Variants in COBL observed in about 807,000 individuals in gnomAD.
COBL encodes protein cordon-bleu.
In COBL, 51 loss-of-function variants were observed where a neutral mutation model predicts 98.8. That is an observed-to-expected ratio of 0.52 (90% confidence interval 0.41 to 0.65). COBL has a LOEUF of 0.65. Among genes scored for constraint, COBL ranks in the 30% least tolerant of loss-of-function variants. The probability of loss-of-function intolerance (pLI) is 0.00; values close to 1 mark genes in which losing one functional copy is unlikely to be tolerated. For missense variants in COBL, 1,617 were observed against 1,617.5 expected (o/e 1.00, Z 0.01); for synonymous variants, 634 against 651.7 (o/e 0.97, Z 0.41).
intron 7 of COBL, among the ~76,000 whole-genome samples, chr7:51,054,871 G>A (rs564312410): frequency 5.3e-5 from 8 of 152,304 alleles, no homozygotes; most frequent in Admixed American, 3.3e-4. Flanking sequence ...ATAAGAAAAC[G>A]GAACTTGCTT....
intron 1 of COBL, among the ~76,000 whole-genome samples, chr7:51,286,747 C>A (rs1370597490): frequency 6.6e-6 from 1 of 152,082 alleles, no homozygotes; most frequent in Non-Finnish European, 1.5e-5. Context: ...TGAAGCAATC[C>A]CATTACTGGA....
At chr7:51,068,756 T>C (rs780317840) in intron 7 of COBL, among the ~76,000 whole-genome samples, 31 of 152,188 alleles carry the variant, frequency 2.0e-4, no homozygotes, top group Admixed American at 8.5e-4. Flanking sequence ...CTGTGAAATA[T>C]AAAAAATAGC....
At chr7:51,026,293 A>C (rs183855466) in intron 11 of COBL, among the ~76,000 whole-genome samples, 8 of 152,352 alleles carry the variant, frequency 5.3e-5, no homozygotes, top group African/African-American at 1.4e-4. Context: ...AGGCACAGGA[A>C]GGAACTGTGC....
chr7:51,067,206 GCA>G (rs146855554), intron 7 of COBL, among the ~76,000 whole-genome samples: 7 of 152,074 alleles, frequency 4.6e-5, no homozygotes, highest in South Asian at 2.1e-4. Flanking sequence ...ACACGTGCAG[GCA>G]CACACACACA....
Position 51,228,270 on chromosome 7 carries a change from T to C in COBL, c.42-8326A>G, listed in dbSNP as rs533459880. Among the ~76,000 whole-genome samples the C allele has an allele frequency of 9.9e-5, 15 of 151,674 alleles. No homozygotes were observed. In the East Asian group the frequency reaches 2.7e-3, roughly 27 times the overall value. ...GAGATTTCAGCTTTTATCAGCTGAG[T>C]AAATGGGAGGATTAAATGAGATGAC... On this transcript the variant is annotated intron_variant, in intron 1 of 12. Transcript: ENST00000265136.
In COBL at chr7:51,132,746, G is replaced by A. The variant is rs140870860; in HGVS notation, c.957+3412C>T. ...TGCCAGCATCTGCTCACCTTCTGGT[G>A]AGGCCTCAGGAAGCTTTTACTCATG... On this transcript the variant is annotated intron_variant, in intron 6 of 12. Transcript: ENST00000265136. Among the ~76,000 whole-genome samples, 1,233 of 152,280 alleles carry A rather than the reference G, an allele frequency of 8.1e-3. 22 individuals are homozygous for A. Among genetic ancestry groups the A allele is most frequent in the African/African-American group, 0.028 (1,170 of 41,532 alleles).
chr7:51,032,854 T>C (rs1433472971), intron 8 of COBL: 2 of 152,110 alleles, frequency 1.3e-5, no homozygotes, highest in African/African-American at 2.4e-5. Flanking sequence ...AAAATGGAAA[T>C]TGCCATATAA....
At chr7:51,059,448 T>C (rs1791100008) in intron 7 of COBL, among the ~76,000 whole-genome samples, 1 of 152,206 alleles carries the variant, frequency 6.6e-6, no homozygotes, top group South Asian at 2.1e-4. Flanking sequence ...GTGGTCATGA[T>C]CTTTAGAAAG....
chr7:51,093,350 G>A (rs1794985310), intron 6 of COBL, among the ~76,000 whole-genome samples: 1 of 152,164 alleles, frequency 6.6e-6, no homozygotes, highest in South Asian at 2.1e-4. Flanking sequence ...ACACTTGTTA[G>A]AATGGCTATG....
chr7:51,185,266 C>T (rs1319837206), intron 4 of COBL, among the ~76,000 whole-genome samples: 1 of 152,220 alleles, frequency 6.6e-6, no homozygotes, highest in East Asian at 1.9e-4. Context: ...GGGCCCACTC[C>T]AGACCCCCAG....
intron 11 of COBL, 92 bp downstream of exon 11, chr7:51,026,454 C>A: frequency 6.6e-7 from 1 of 1,511,804 alleles, no homozygotes; most frequent in Non-Finnish European, 9.0e-7. Flanking sequence ...ATCGGAAGGA[C>A]AGAAGCTTCT....
intron 6 of COBL, among the ~76,000 whole-genome samples, chr7:51,092,369 G>A (rs1174146322): frequency 6.6e-6 from 1 of 152,290 alleles, no homozygotes; most frequent in African/African-American, 2.4e-5. Flanking sequence ...CAATGTCATA[G>A]AGCTTCCCTC....
At chr7:51,315,780 G>A (rs1309681549) in intron 1 of COBL, among the ~76,000 whole-genome samples, 1 of 151,960 alleles carries the variant, frequency 6.6e-6, no homozygotes, top group African/African-American at 2.4e-5. Flanking sequence ...CTGTTTGAGG[G>A]AAATTACTCT....
chr7:51,122,228 G>A (rs1031889797), intron 6 of COBL, among the ~76,000 whole-genome samples: 2 of 152,330 alleles, frequency 1.3e-5, no homozygotes, highest in East Asian at 1.9e-4. Flanking sequence ...TAGACGTTAA[G>A]CAACTAAAAT....
intron 1 of COBL, among the ~76,000 whole-genome samples, chr7:51,267,131 A>T (rs563137171): frequency 6.6e-6 from 1 of 152,088 alleles, no homozygotes; most frequent in Non-Finnish European, 1.5e-5. Context: ...TTGGAAGAAA[A>T]CCTTGAACAA....
At chr7:51,260,986 C>T (rs1797663069) in intron 1 of COBL, among the ~76,000 whole-genome samples, 1 of 152,124 alleles carries the variant, frequency 6.6e-6, no homozygotes, top group East Asian at 1.9e-4. Context: ...ACCTCCATAC[C>T]CCTTCTCCAT....
intron 2 of COBL, among the ~76,000 whole-genome samples, chr7:51,214,465 G>A (rs1792826991): frequency 6.6e-6 from 1 of 152,074 alleles, no homozygotes; most frequent in Non-Finnish European, 1.5e-5. Context: ...GTGCATTCTG[G>A]TTGGCTTCAG....
At chr7:51,133,737 C>T (rs1008085197) in intron 6 of COBL, among the ~76,000 whole-genome samples, 1 of 152,212 alleles carries the variant, frequency 6.6e-6, no homozygotes, top group Admixed American at 6.5e-5. Flanking sequence ...ATTCGGTCAC[C>T]TCCAGGCTCT....
intron 5 of COBL, among the ~76,000 whole-genome samples, chr7:51,166,727 C>T (rs1372004232): frequency 6.6e-6 from 1 of 152,074 alleles, no homozygotes; most frequent in Non-Finnish European, 1.5e-5. Flanking sequence ...AAACTGAATT[C>T]AACAATACAT....
Sources: gnomAD v4.1 joint callset for allele counts (sites outside exome capture counted in the v4.1 genomes callset) on GRCh38, gnomAD v4.1.1 for gene constraint, MANE v1.5 for transcripts, NCBI Gene and HGNC (gene_info 2026-07-23, HGNC 2026-07-21) for gene names.